The following FRMPD4 variants were observed in gnomAD, a reference collection of about 807,000 sequenced individuals.
FRMPD4 encodes FERM and PDZ domain-containing protein 4.
Under a neutral mutation model 94.1 loss-of-function variants are expected in FRMPD4, and 22 were observed. The observed-to-expected ratio is 0.23, with a 90% CI of 0.17 to 0.33. The LOEUF is 0.33. FRMPD4 is among the 10% of genes least tolerant of loss of function. The pLI is 1.00. For missense variants in FRMPD4, 1,111 were observed against 1,339.9 expected, an observed-to-expected ratio of 0.83 and a Z score of 2.67; for synonymous variants, 631 against 548.6, an observed-to-expected ratio of 1.15 and a Z score of -2.10.
intron 3 of FRMPD4, among the ~76,000 whole-genome samples, chrX:12,071,733 T>A (rs1326773185): frequency 4.5e-5 from 5 of 111,547 alleles, no homozygotes; most frequent in Non-Finnish European, 7.5e-5. Flanking sequence ...AAGCCACCCG[T>A]GTCTGCTACT....
At chrX:12,064,185 T>A (rs1262343920) in intron 3 of FRMPD4, among the ~76,000 whole-genome samples, 1 of 112,686 alleles carries the variant, frequency 8.9e-6, no homozygotes, top group Non-Finnish European at 1.9e-5. Flanking sequence ...TGGCAAACCA[T>A]ATTATTTTTT....
At chrX:12,466,002 T>G (rs73436788) in intron 1 of FRMPD4, among the ~76,000 whole-genome samples, 2,502 of 111,460 alleles carry the variant, frequency 0.022, 61 homozygotes, top group African/African-American at 0.074. Flanking sequence ...AGAATGACCA[T>G]TATACAGCTG....
rs1336817445 is a variant in FRMPD4 at position 12,693,844 on chromosome X, G to T, written c.814-491G>T. The stretch of plus-strand genomic sequence containing the variant: ...ATCTGCAGATCTTCTTCCAAGGACT[G>T]CCCTCAGACTACCGGAGCCCATCGT... On this transcript the variant is annotated intron_variant, in intron 8 of 16. Transcript: ENST00000675598. Among the ~76,000 whole-genome samples the T allele has an allele frequency of 2.7e-5, 3 of 111,713 alleles. No homozygotes were observed. In the East Asian group the frequency reaches 8.4e-4, roughly 31 times the overall value.
intron 1 of FRMPD4, among the ~76,000 whole-genome samples, chrX:12,324,314 T>G (rs1280588958): frequency 8.9e-6 from 1 of 112,210 alleles, no homozygotes; most frequent in Non-Finnish European, 1.9e-5. Context: ...GTCAGTAGAT[T>G]ATGACTAAAA....
chrX:12,236,927 A>G (rs185240689), intron 1 of FRMPD4, among the ~76,000 whole-genome samples: 85 of 111,891 alleles, frequency 7.6e-4, no homozygotes, highest in African/African-American at 2.7e-3. Context: ...ACAACTGACA[A>G]GGGGGTTGCT....
intron 3 of FRMPD4, among the ~76,000 whole-genome samples, chrX:11,921,923 G>A (rs775010443): frequency 2.7e-5 from 3 of 111,607 alleles, no homozygotes; most frequent in South Asian, 3.8e-4. Flanking sequence ...TTTCTCAATA[G>A]TAATTTAGAA....
intron 3 of FRMPD4, among the ~76,000 whole-genome samples, chrX:11,977,511 A>AATATTTG (rs1319957921): frequency 8.9e-6 from 1 of 112,554 alleles, no homozygotes; most frequent in East Asian, 2.8e-4. Flanking sequence ...ACCTCTGTAA[A>AATATTTG]ATATTTGAAG....
chrX:12,470,383 G>A (rs1484802530), intron 1 of FRMPD4, among the ~76,000 whole-genome samples: 4 of 111,785 alleles, frequency 3.6e-5, no homozygotes. Context: ...AGCGACTGAT[G>A]AGCCCCTGTT....
chrX:11,968,383 A>C (rs1199860445), intron 3 of FRMPD4, among the ~76,000 whole-genome samples: 1 of 111,901 alleles, frequency 8.9e-6, no homozygotes, highest in African/African-American at 3.2e-5. Flanking sequence ...CATGTTTGAA[A>C]GGCCAAAGAG....
intron 5 of FRMPD4, among the ~76,000 whole-genome samples, chrX:12,682,219 A>C (rs2059979781): frequency 8.9e-6 from 1 of 112,602 alleles, no homozygotes; most frequent in South Asian, 3.7e-4. Flanking sequence ...TGCTTTTTAA[A>C]TTTAATTGAT....
chrX:12,693,780 C>A (rs1028854769), intron 8 of FRMPD4, among the ~76,000 whole-genome samples: 1 of 112,021 alleles, frequency 8.9e-6, no homozygotes, highest in African/African-American at 3.3e-5. Context: ...TTTTTGTACT[C>A]CCCAACATAG....
At chrX:12,015,283 G>T (rs1438508520) in intron 3 of FRMPD4, among the ~76,000 whole-genome samples, 1 of 110,726 alleles carries the variant, frequency 9.0e-6, no homozygotes, top group Non-Finnish European at 1.9e-5. Context: ...GGTCTGTTTG[G>T]CCATCTCCCC....
At chrX:12,426,959 C>G (rs1026883724) in intron 1 of FRMPD4, among the ~76,000 whole-genome samples, 1 of 110,333 alleles carries the variant, frequency 9.1e-6, no homozygotes, top group Non-Finnish European at 1.9e-5. Context: ...CATAAATTCT[C>G]TGTACCTAAT....
intron 1 of FRMPD4, among the ~76,000 whole-genome samples, chrX:11,851,952 A>T (rs897236511): frequency 2.6e-5 from 1 of 38,298 alleles, no homozygotes; most frequent in African/African-American, 2.3e-4. Flanking sequence ...ATATTATACA[A>T]AAAAAAAAAA....
chrX:11,909,920 T>C lies in FRMPD4; in HGVS notation c.95+31902T>C, dbSNP rs772581476. On this transcript the variant is annotated intron_variant, in intron 3 of 18. Transcript: ENST00000640291. ...ACATTTTAATCAACCATCTGAAATGTATTGAGCCTTGTTTTATGTCTCAAA... is the reference window on the plus strand; with the variant it reads ...ACATTTTAATCAACCATCTGAAATGCATTGAGCCTTGTTTTATGTCTCAAA... Among the ~76,000 whole-genome samples the C allele has an allele frequency of 4.5e-5, 5 of 111,515 alleles. No individual in the cohort carries two copies. The Admixed American group carries it at 4.8e-4, about 11-fold the overall frequency.
chrX:11,910,732 A>G (rs1037653132), intron 3 of FRMPD4, among the ~76,000 whole-genome samples: 7 of 112,093 alleles, frequency 6.2e-5, no homozygotes, highest in African/African-American at 2.3e-4. Context: ...TGCATTTTTA[A>G]TATGATTTTC....
At chrX:12,331,709 A>T (rs867419173) in intron 1 of FRMPD4, among the ~76,000 whole-genome samples, 9 of 56,687 alleles carry the variant, frequency 1.6e-4, no homozygotes, top group East Asian at 4.2e-4. Flanking sequence ...AATATATAAT[A>T]TATAATTTAT....
At chrX:12,350,374 A>T (rs1455600669) in intron 1 of FRMPD4, among the ~76,000 whole-genome samples, 1 of 110,619 alleles carries the variant, frequency 9.0e-6, no homozygotes, top group Non-Finnish European at 1.9e-5. Flanking sequence ...TTATGTTTGT[A>T]TTGGTCTTAA....
At chrX:12,008,859 A>T (rs989959691) in intron 3 of FRMPD4, among the ~76,000 whole-genome samples, 6 of 111,856 alleles carry the variant, frequency 5.4e-5, no homozygotes, top group East Asian at 2.8e-4. Flanking sequence ...GCTTTTTTTT[A>T]AAAAAATGTA....
Sources: allele counts gnomAD v4.1 joint callset (sites outside exome capture counted in the v4.1 genomes callset), GRCh38; gene constraint gnomAD v4.1.1; transcripts MANE v1.5; gene names NCBI Gene and HGNC (gene_info 2026-07-23, HGNC 2026-07-21).